Variants in PIBF1 observed in about 807,000 individuals in gnomAD.
The protein encoded by PIBF1 is progesterone immunomodulatory binding factor 1.
PIBF1 carries 90 observed loss-of-function variants against 112.5 expected under a neutral mutation model. The observed-to-expected ratio is 0.80, with a 90% confidence interval of 0.67 to 0.95. PIBF1 has a LOEUF of 0.95. Ranked by LOEUF, PIBF1 falls within the 40% of genes least tolerant of loss-of-function variation. The pLI, the probability that PIBF1 is intolerant of heterozygous loss-of-function variation, is 0.00. For synonymous variants in PIBF1, 301 were observed against 288.6 expected, an observed-to-expected ratio of 1.04 and a Z score of -0.44; for missense variants, 915 against 852.3, an observed-to-expected ratio of 1.07 and a Z score of -0.92.
At chr13:72,860,595 T>C (rs1477343536) in intron 10 of PIBF1, among the ~76,000 whole-genome samples, 3 of 152,186 alleles carry the variant, frequency 2.0e-5, no homozygotes, top group Non-Finnish European at 4.4e-5. Context: ...GAATCATGCT[T>C]AAGTAAAGCC....
chr13:72,818,642 A>C (rs1323193274), intron 5 of PIBF1, among the ~76,000 whole-genome samples: 3 of 82,510 alleles, frequency 3.6e-5, no homozygotes, highest in East Asian at 3.7e-4. Flanking sequence ...TCCTAAATTT[A>C]TTTTCTTCCC....
intron 10 of PIBF1, among the ~76,000 whole-genome samples, chr13:72,889,842 T>G (rs2039991820): frequency 6.6e-6 from 1 of 152,238 alleles, no homozygotes; most frequent in East Asian, 1.9e-4. Context: ...TTAGGTATTC[T>G]GCCTTAGAAA....
At chr13:72,846,343 A>G (rs76571037) in intron 9 of PIBF1, among the ~76,000 whole-genome samples, 3,323 of 152,134 alleles carry the variant, frequency 0.022, 135 homozygotes, top group African/African-American at 0.076. Context: ...TCTCTATCTC[A>G]CGTATATTAC....
intron 9 of PIBF1, among the ~76,000 whole-genome samples, chr13:72,851,764 A>G (rs1052181585): frequency 6.6e-6 from 1 of 152,158 alleles, no homozygotes; most frequent in Admixed American, 6.5e-5. Context: ...CAATCAGCAT[A>G]TACTTCCTCC....
At position 72,847,176 on chromosome 13, in the gene PIBF1, A is replaced by G. The variant is rs1044180736; in HGVS notation, c.1224-6881A>G. On this transcript the variant is annotated intron_variant, in intron 9 of 17. Coordinates refer to ENST00000326291, the MANE Select transcript of PIBF1 (RefSeq NM_006346.4). ...AAATATTTTGCATTTTGGTACTTCAATTTTTTATAATTTTTCAACCATAAT... is the reference window on the plus strand; with the variant it reads ...AAATATTTTGCATTTTGGTACTTCAGTTTTTTATAATTTTTCAACCATAAT... Among the ~76,000 whole-genome samples, 8 of 152,260 alleles carry G rather than the reference A, an allele frequency of 5.3e-5. No homozygotes were observed. The South Asian group carries it at 6.2e-4, about 12-fold the overall frequency.
chr13:72,968,732 G>A (rs1482054441), intron 15 of PIBF1, among the ~76,000 whole-genome samples: 1 of 151,582 alleles, frequency 6.6e-6, no homozygotes, highest in East Asian at 1.9e-4. Flanking sequence ...TTGCCCTAGT[G>A]GCCAATGGCT....
chr13:72,956,345 G>T (rs1248716095), intron 14 of PIBF1, among the ~76,000 whole-genome samples: 2 of 151,982 alleles, frequency 1.3e-5, no homozygotes, highest in African/African-American at 4.8e-5. Flanking sequence ...GTATGTGTGT[G>T]TATGTGTGTG....
In PIBF1 at chr13:72,908,610, A is replaced by T; in HGVS notation, c.1568A>T (p.His523Leu). 1 of 1,613,290 alleles carries T rather than the reference A, an allele frequency of 6.2e-7. No homozygotes were observed. The highest frequency in any genetic ancestry group is 8.5e-7 in the Non-Finnish European group (1 of 1,179,262). ...ITELQAQNSEHQARLDIYEKL... is the reference protein window; with the variant it reads ...ITELQAQNSELQARLDIYEKL... ...GAACTTCAAGCACAGAACTCAGAGCATCAAGCAAGGCTAGACATTTATGAG... is the reference window on the plus strand; with the variant it reads ...GAACTTCAAGCACAGAACTCAGAGCTTCAAGCAAGGCTAGACATTTATGAG... The change falls in exon 12 of 18, where the codon CAT (histidine) becomes CTT (leucine). Residue 523 changes from histidine to leucine, a missense_variant. Transcript: ENST00000326291.
At chr13:72,923,142 G>A (rs2041357587) in intron 13 of PIBF1, among the ~76,000 whole-genome samples, 1 of 152,158 alleles carries the variant, frequency 6.6e-6, no homozygotes, top group South Asian at 2.1e-4. Context: ...TCGAGTTTTG[G>A]TAATAGTAAG....
chr13:72,792,336 C>T (rs1352860657), intron 2 of PIBF1, 111 bp from the exon 3 acceptor site: 3 of 681,722 alleles, frequency 4.4e-6, no homozygotes, highest in African/African-American at 3.8e-5. Flanking sequence ...CCTGGTCCCT[C>T]TATCCATTTT....
chr13:72,947,921 C>T (rs1286674102), intron 14 of PIBF1, among the ~76,000 whole-genome samples: 1 of 152,170 alleles, frequency 6.6e-6, no homozygotes, highest in East Asian at 1.9e-4. Context: ...AGTTCATGTC[C>T]TTTGCAGGAA....
rs1159471366 is a variant in PIBF1, at chr13:73,013,745, A to AG, written c.2224-2124_2224-2123insG. The stretch of plus-strand genomic sequence containing the variant: ...AGAGCCTATCTCAAAAAAAAAAAAA[A>AG]AAAAAAAAGAAAAAGAAAAAATCCT... On this transcript the variant is annotated intron_variant, in intron 17 of 17. Transcript: ENST00000326291. Among the ~76,000 whole-genome samples the AG allele has an allele frequency of 2.8e-3, 405 of 145,630 alleles. 3 individuals are homozygous for AG. Among genetic ancestry groups the AG allele is most frequent in the Non-Finnish European group, 3.1e-3 (200 of 64,844 alleles).
At chr13:72,810,536 AT>A (rs2035958370) in intron 5 of PIBF1, among the ~76,000 whole-genome samples, 3 of 152,152 alleles carry the variant, frequency 2.0e-5, no homozygotes, top group African/African-American at 7.2e-5. Flanking sequence ...AATTCAGTTA[AT>A]TTTATTTGTA....
At chr13:72,791,218 C>A (rs917967399) in intron 2 of PIBF1, among the ~76,000 whole-genome samples, 5 of 151,994 alleles carry the variant, frequency 3.3e-5, no homozygotes, top group African/African-American at 1.2e-4. Flanking sequence ...CCACACCCGG[C>A]TAATTTTTTG....
At chr13:72,802,734 T>C (rs2035544839) in intron 5 of PIBF1, among the ~76,000 whole-genome samples, 1 of 152,116 alleles carries the variant, frequency 6.6e-6, no homozygotes, top group East Asian at 1.9e-4. Flanking sequence ...AGGTGTGAAC[T>C]TTAGAAGATA....
rs1347711359 is a variant in PIBF1 at position 72,952,420 on chromosome 13, G to C, written c.1834-12854G>C. Among the ~76,000 whole-genome samples the C allele has an allele frequency of 2.0e-5, 3 of 151,602 alleles. No individual in the cohort carries two copies. The East Asian group carries it at 5.8e-4, about 29-fold the overall frequency. ...ATCTCCTTGAGTAACTTATTAGTCA[G>C]CCTTTTAAATTATTTGTCTAGTATT... On this transcript the variant is annotated intron_variant, in intron 14 of 17. Coordinates refer to ENST00000326291, the MANE Select transcript of PIBF1 (RefSeq NM_006346.4).
intron 13 of PIBF1, among the ~76,000 whole-genome samples, chr13:72,924,813 C>T (rs911708110): frequency 6.6e-6 from 1 of 152,062 alleles, no homozygotes; most frequent in African/African-American, 2.4e-5. Flanking sequence ...TGAGTTGCAT[C>T]TGTTTAGGGA....
At chr13:72,820,379 G>A (rs967025536) in intron 5 of PIBF1, among the ~76,000 whole-genome samples, 4 of 152,084 alleles carry the variant, frequency 2.6e-5, no homozygotes, top group African/African-American at 4.8e-5. Flanking sequence ...ACTTAGGTCC[G>A]AAATGATATA....
intron 4 of PIBF1, among the ~76,000 whole-genome samples, chr13:72,795,855 G>A (rs1294302318): frequency 6.6e-6 from 1 of 152,166 alleles, no homozygotes; most frequent in Non-Finnish European, 1.5e-5. Context: ...GTTGTTGCCA[G>A]GGGTTGGTTG....
Sources: allele counts gnomAD v4.1 joint callset (sites outside exome capture counted in the v4.1 genomes callset), GRCh38; gene constraint gnomAD v4.1.1; transcripts MANE v1.5; gene names NCBI Gene and HGNC (gene_info 2026-07-23, HGNC 2026-07-21).